Variants in SLC12A1 observed in about 807,000 individuals in gnomAD.
SLC12A1 encodes Na-K-2Cl cotransporter.
In SLC12A1, 89 loss-of-function variants were observed where a neutral mutation model predicts 130.4. The ratio of observed to expected loss-of-function variants is 0.68; its 90% CI spans 0.58 to 0.81. The LOEUF (loss-of-function observed/expected upper bound fraction) is 0.81. Among genes scored for constraint, SLC12A1 ranks in the 40% least tolerant of loss-of-function variants. The pLI is 0.00. For synonymous variants in SLC12A1, 499 were observed against 460.0 expected (o/e 1.08, Z -1.09); for missense variants, 1,310 against 1,336.4 (o/e 0.98, Z 0.31).
chr15:48,291,534 T>C (rs1009319832), intron 23 of SLC12A1, among the ~76,000 whole-genome samples: 4 of 152,188 alleles, frequency 2.6e-5, no homozygotes, highest in African/African-American at 9.6e-5. Flanking sequence ...AGAGTTGGAT[T>C]GGCTGTTGCC....
intron 19 of SLC12A1, 144 bp downstream of exon 19, chr15:48,269,908 AGGTG>A: frequency 2.2e-6 from 1 of 455,058 alleles, no homozygotes; most frequent in Non-Finnish European, 4.0e-6. Context: ...TTCTTTTCCA[AGGTG>A]AAAAAAACAC....
At chr15:48,291,096 G>C (rs1046839599) in intron 23 of SLC12A1, among the ~76,000 whole-genome samples, 3 of 151,716 alleles carry the variant, frequency 2.0e-5, no homozygotes, top group African/African-American at 7.3e-5. Flanking sequence ...TAAATAGATA[G>C]ATAAATATAA....
At chr15:48,214,956 G>A (rs2041101818) in intron 2 of SLC12A1, among the ~76,000 whole-genome samples, 1 of 146,980 alleles carries the variant, frequency 6.8e-6, no homozygotes, top group South Asian at 2.2e-4. Flanking sequence ...TCTCGGTGGT[G>A]GTCTAAAAAT....
In SLC12A1 at chr15:48,255,867, G is replaced by A. The variant is rs1453165067; in HGVS notation, c.1999G>A (p.Ala667Thr). ...ALSYVSALDN[A>T]LELTTVEDHV... ...TTCCTACGTGAGTGCTTTAGACAAT[G>A]CTCTGGAATTAACCACAGTGGAAGA... Residue 667 changes from alanine to threonine, a missense_variant, in exon 16 of 27, where the codon GCT becomes ACT. Physicochemically the swap from Ala to Thr is moderately conservative, Grantham distance 58. Coordinates refer to ENST00000380993, the MANE Select transcript of SLC12A1 (RefSeq NM_000338.3). 3 of 1,606,898 alleles carry A rather than the reference G, an allele frequency of 1.9e-6. No homozygotes were observed. The highest frequency in any genetic ancestry group is 2.2e-5 in the South Asian group (2 of 89,140).
Position 48,247,469 on chromosome 15 carries a change from A to T in SLC12A1, c.1684+9A>T, listed in dbSNP as rs1311177779. 1 of 1,587,286 alleles carries T rather than the reference A, an allele frequency of 6.3e-7. No homozygotes were observed. The highest frequency in any genetic ancestry group is 8.6e-7 in the Non-Finnish European group (1 of 1,164,824). On this transcript the variant is annotated intron_variant, in intron 13 of 26. Transcript: ENST00000380993. Reference sequence around the variant, plus strand: ...GGCATTTATTCTTATTGGTTTGTAAAGTTTTCTTGTTTTTATTGAAAACCA... The same window carrying T: ...GGCATTTATTCTTATTGGTTTGTAATGTTTTCTTGTTTTTATTGAAAACCA...
chr15:48,249,393 A>G (rs1278941544), intron 13 of SLC12A1, among the ~76,000 whole-genome samples, 182 bp from the exon 14 acceptor site: 2 of 152,160 alleles, frequency 1.3e-5, no homozygotes, highest in African/African-American at 2.4e-5. Flanking sequence ...TACTTACTTT[A>G]TGGAAACCCT....
At chr15:48,232,910 C>A in intron 8 of SLC12A1, 72 bp downstream of exon 8, 1 of 896,528 alleles carries the variant, frequency 1.1e-6, no homozygotes, top group Non-Finnish European at 1.8e-6. Context: ...TCCCCATCAA[C>A]CCAACCCCAG....
intron 16 of SLC12A1, among the ~76,000 whole-genome samples, chr15:48,256,799 C>A (rs2041712046): frequency 6.7e-6 from 1 of 148,896 alleles, no homozygotes; most frequent in Non-Finnish European, 1.5e-5. Flanking sequence ...GGACACAGCC[C>A]AAACCATATC....
chr15:48,254,271 C>A (rs931307356), intron 15 of SLC12A1, among the ~76,000 whole-genome samples: 19 of 151,764 alleles, frequency 1.3e-4, no homozygotes, highest in African/African-American at 4.4e-4. Context: ...GTCTATTATC[C>A]ATTTTGAGTT....
At chr15:48,238,888 G>A (rs1183454709) in intron 9 of SLC12A1, among the ~76,000 whole-genome samples, 2 of 152,062 alleles carry the variant, frequency 1.3e-5, no homozygotes, top group African/African-American at 4.8e-5. Context: ...TATGTACCTG[G>A]GAGAAGATTT....
intron 24 of SLC12A1, among the ~76,000 whole-genome samples, chr15:48,293,585 T>C (rs1431852842): frequency 6.6e-6 from 1 of 152,238 alleles, no homozygotes; most frequent in Non-Finnish European, 1.5e-5. Flanking sequence ...GCTTCTTGCC[T>C]CTTTCCTTCC....
intron 8 of SLC12A1, among the ~76,000 whole-genome samples, chr15:48,233,621 T>C (rs2041405118): frequency 6.6e-6 from 1 of 152,202 alleles, no homozygotes; most frequent in Non-Finnish European, 1.5e-5. Context: ...TTCTTTTCCC[T>C]CTAGCTTACT....
chr15:48,278,623 C>T (rs2041980024), intron 20 of SLC12A1, among the ~76,000 whole-genome samples: 2 of 152,214 alleles, frequency 1.3e-5, no homozygotes, highest in Admixed American at 1.3e-4. Flanking sequence ...AGGGCAATTA[C>T]AAGAACTTAG....
rs191957686 is a variant in SLC12A1, at chr15:48,207,076, A to T, written c.-186-458A>T. ...CATGTACAGATTTTTATAAACTAGC[A>T]AGAATATATTTTTTAGAAGTTTTGT... is the stretch of plus-strand genomic sequence containing the variant. On this transcript the variant is annotated intron_variant, in intron 1 of 26. Coordinates refer to ENST00000380993, the MANE Select transcript of SLC12A1 (RefSeq NM_000338.3). Among the ~76,000 whole-genome samples the T allele has an allele frequency of 5.9e-5, 9 of 152,308 alleles. No individual in the cohort carries two copies. The East Asian group carries it at 1.7e-3, about 29-fold the overall frequency.
intron 15 of SLC12A1, among the ~76,000 whole-genome samples, chr15:48,252,809 C>T (rs1013402229): frequency 2.0e-5 from 3 of 151,930 alleles, no homozygotes; most frequent in Admixed American, 6.6e-5. Context: ...CATGCAAGTG[C>T]GGGGCAGCAT....
At chr15:48,289,421 AT>A (rs749738797) in intron 23 of SLC12A1, among the ~76,000 whole-genome samples, 7,113 of 127,864 alleles carry the variant, frequency 0.056, 325 homozygotes, top group Non-Finnish European at 0.078. Context: ...ATATATATAT[AT>A]ATATATAATG....
chr15:48,237,196 T>G, intron 9 of SLC12A1: 1 of 590,712 alleles, frequency 1.7e-6, no homozygotes, highest in South Asian at 2.1e-5. Context: ...GAACAGGAGT[T>G]TGCCGACAGG....
chr15:48,233,154 G>T (rs1597413026), intron 8 of SLC12A1, among the ~76,000 whole-genome samples: 1 of 152,288 alleles, frequency 6.6e-6, no homozygotes, highest in East Asian at 1.9e-4. Flanking sequence ...CCAGGAAAGA[G>T]CCTGGAGTTG....
At chr15:48,221,367 C>T in intron 4 of SLC12A1, 1 of 701,710 alleles carries the variant, frequency 1.4e-6, no homozygotes, top group Non-Finnish European at 2.6e-6. Context: ...ATTGGTAAAA[C>T]TTCACTGAAC....
Sources: allele counts gnomAD v4.1 joint callset (sites outside exome capture counted in the v4.1 genomes callset), GRCh38; gene constraint gnomAD v4.1.1; transcripts MANE v1.5; gene names NCBI Gene and HGNC (gene_info 2026-07-23, HGNC 2026-07-21).